Variants in ATRNL1 observed in about 807,000 individuals in gnomAD.
ATRNL1 encodes attractin like 1.
In ATRNL1, 95 loss-of-function variants were observed where a neutral mutation model predicts 182.7. That is an observed-to-expected ratio of 0.52 (90% CI 0.44 to 0.62). ATRNL1 has a LOEUF of 0.62. Among genes scored for constraint, ATRNL1 ranks in the 20% least tolerant of loss-of-function variants. ATRNL1 has a pLI of 0.00. For synonymous variants in ATRNL1, 576 were observed against 568.3 expected (o/e 1.01, Z -0.19); for missense variants, 1,471 against 1,679.5 (o/e 0.88, Z 2.17).
intron 24 of ATRNL1, among the ~76,000 whole-genome samples, chr10:115,499,148 T>A (rs1849691794): frequency 6.6e-6 from 1 of 152,158 alleles, no homozygotes; most frequent in African/African-American, 2.4e-5. Context: ...TAATTACTAA[T>A]TTTTATCTTG....
chr10:115,171,708 T>C (rs1303975071), intron 8 of ATRNL1, among the ~76,000 whole-genome samples: 1 of 152,038 alleles, frequency 6.6e-6, no homozygotes, highest in Admixed American at 6.6e-5. Context: ...TTTATGTATG[T>C]ATTACTTCTT....
At chr10:115,789,637 A>G (rs963186602) in intron 27 of ATRNL1, among the ~76,000 whole-genome samples, 2 of 152,138 alleles carry the variant, frequency 1.3e-5, no homozygotes, top group Non-Finnish European at 2.9e-5. Context: ...AACTGGGAAA[A>G]TGCCTTTGTC....
intron 25 of ATRNL1, among the ~76,000 whole-genome samples, chr10:115,542,270 T>A (rs1554992245): frequency 6.6e-6 from 1 of 152,164 alleles, no homozygotes; most frequent in African/African-American, 2.4e-5. Context: ...TTACAGATTT[T>A]GAGGTTCTGT....
At chr10:115,617,431 C>T (rs544705645) in intron 26 of ATRNL1, among the ~76,000 whole-genome samples, 8 of 152,174 alleles carry the variant, frequency 5.3e-5, no homozygotes, top group Admixed American at 5.2e-4. Context: ...GCAATTGCGG[C>T]TCACTGCAAC....
chr10:115,652,557 C>G (rs929125811), intron 26 of ATRNL1, among the ~76,000 whole-genome samples: 17 of 151,974 alleles, frequency 1.1e-4, no homozygotes, highest in Non-Finnish European at 2.1e-4. Flanking sequence ...TTTACGATAA[C>G]TAGAAGAAAT....
chr10:115,264,156 A>G (rs1449204902), intron 10 of ATRNL1, among the ~76,000 whole-genome samples: 3 of 151,552 alleles, frequency 2.0e-5, no homozygotes, highest in Non-Finnish European at 3.0e-5. Flanking sequence ...GTATGTATAC[A>G]TGTGCCATGT....
chr10:115,662,402 G>T (rs1233102721), intron 26 of ATRNL1, among the ~76,000 whole-genome samples: 1 of 152,012 alleles, frequency 6.6e-6, no homozygotes, highest in Non-Finnish European at 1.5e-5. Flanking sequence ...AGTCAGTGTG[G>T]CGATTCCTCA....
chr10:115,394,067 C>G (rs1366687271), intron 19 of ATRNL1, among the ~76,000 whole-genome samples: 7 of 152,004 alleles, frequency 4.6e-5, no homozygotes, highest in Non-Finnish European at 1.5e-5. Context: ...TTTTAAAACA[C>G]AATCTGCAGC....
chr10:115,431,493 G>A (rs567798863), intron 21 of ATRNL1, among the ~76,000 whole-genome samples: 17 of 151,282 alleles, frequency 1.1e-4, no homozygotes, highest in African/African-American at 3.6e-4. Flanking sequence ...ACAAATTTTC[G>A]CTCATCAGCT....
intron 10 of ATRNL1, among the ~76,000 whole-genome samples, chr10:115,245,554 C>T (rs542849966): frequency 1.3e-5 from 2 of 149,686 alleles, no homozygotes; most frequent in African/African-American, 4.9e-5. Flanking sequence ...GCCTGGGATA[C>T]CTGATTTTGT....
At chr10:115,660,902 T>A (rs1203730453) in intron 26 of ATRNL1, among the ~76,000 whole-genome samples, 1 of 152,032 alleles carries the variant, frequency 6.6e-6, no homozygotes, top group Non-Finnish European at 1.5e-5. Context: ...AATGGGAGTA[T>A]CTTAAAGTGG....
intron 27 of ATRNL1, among the ~76,000 whole-genome samples, chr10:115,762,304 CA>C (rs1948752592): frequency 2.0e-5 from 3 of 150,806 alleles, no homozygotes; most frequent in Non-Finnish European, 3.0e-5. Context: ...ATGACTTCTT[CA>C]GAAAGCCTGC....
At chr10:115,876,480 G>A (rs60780561) in intron 28 of ATRNL1, among the ~76,000 whole-genome samples, 6,007 of 152,188 alleles carry the variant, frequency 0.039, 358 homozygotes, top group African/African-American at 0.14. Flanking sequence ...TTTATAACAG[G>A]CATTTTCTTT....
intron 26 of ATRNL1, among the ~76,000 whole-genome samples, chr10:115,720,705 A>G (rs1555057516): frequency 6.6e-6 from 1 of 152,216 alleles, no homozygotes; most frequent in African/African-American, 2.4e-5. Flanking sequence ...AGAAAAAAAC[A>G]AAGTTTGAGA....
At chr10:115,802,076 C>T (rs535263768) in intron 27 of ATRNL1, among the ~76,000 whole-genome samples, 4 of 81,942 alleles carry the variant, frequency 4.9e-5, no homozygotes, top group Admixed American at 1.6e-4. Context: ...TTCTACCTTC[C>T]GCCCCCCACC....
At chr10:115,133,380 A>C (rs1554875730) in intron 5 of ATRNL1, among the ~76,000 whole-genome samples, 1 of 152,150 alleles carries the variant, frequency 6.6e-6, no homozygotes, top group Non-Finnish European at 1.5e-5. Context: ...AAAACAAAAA[A>C]AGCCTGAGGT....
intron 26 of ATRNL1, among the ~76,000 whole-genome samples, chr10:115,674,276 A>G (rs1461845838): frequency 6.6e-6 from 1 of 152,100 alleles, no homozygotes; most frequent in African/African-American, 2.4e-5. Flanking sequence ...AAGATCAGGT[A>G]TGAATAAACA....
intron 28 of ATRNL1, among the ~76,000 whole-genome samples, chr10:115,943,117 G>C (rs1953777461): frequency 6.6e-6 from 1 of 152,204 alleles, no homozygotes; most frequent in South Asian, 2.1e-4. Context: ...TAGTACTTAA[G>C]ACGCTTGTCA....
chr10:115,588,351 T>A (rs1220427460), intron 26 of ATRNL1, among the ~76,000 whole-genome samples: 6 of 152,060 alleles, frequency 3.9e-5, no homozygotes, highest in African/African-American at 1.4e-4. Context: ...GAGCTTAGAG[T>A]GTTGGCAGAT....
Sources: gnomAD v4.1 joint callset for allele counts (sites outside exome capture counted in the v4.1 genomes callset) on GRCh38, gnomAD v4.1.1 for gene constraint, MANE v1.5 for transcripts, NCBI Gene and HGNC (gene_info 2026-07-23, HGNC 2026-07-21) for gene names.